CFAP299: variants seen among roughly 807,000 people sequenced by gnomAD.
CFAP299 encodes cilia and flagella associated protein 299, also known as cilia- and flagella-associated protein 299.
In CFAP299, 21 loss-of-function variants were observed where a neutral mutation model predicts 27.0. That is an observed-to-expected ratio of 0.78 (90% CI 0.55 to 1.12). The LOEUF is 1.12. CFAP299 is among the 50% of genes most tolerant of loss of function. The pLI is 0.00. For missense variants in CFAP299, 310 were observed against 276.6 expected (o/e 1.12, Z -0.86); for synonymous variants, 104 against 98.1 (o/e 1.06, Z -0.36).
At chr4:80,417,149 C>T (rs544343463) in intron 2 of CFAP299, among the ~76,000 whole-genome samples, 13 of 152,286 alleles carry the variant, frequency 8.5e-5, no homozygotes, top group African/African-American at 3.1e-4. Flanking sequence ...TGTAAGGTAA[C>T]TTCCTGATGT....
At chr4:80,895,055 T>A (rs922281560) in intron 4 of CFAP299, among the ~76,000 whole-genome samples, 1 of 151,922 alleles carries the variant, frequency 6.6e-6, no homozygotes, top group African/African-American at 2.4e-5. Context: ...GGACAAAGTT[T>A]CAGTTATGCA....
chr4:80,842,739 G>A (rs185027514), intron 3 of CFAP299, among the ~76,000 whole-genome samples: 1 of 152,156 alleles, frequency 6.6e-6, no homozygotes, highest in East Asian at 1.9e-4. Context: ...ACGTGATTAG[G>A]CTATGACACC....
chr4:80,440,809 T>C (rs958689883), intron 2 of CFAP299, among the ~76,000 whole-genome samples: 9 of 152,090 alleles, frequency 5.9e-5, no homozygotes, highest in East Asian at 1.9e-4. Context: ...CTAAGAACCT[T>C]GATAAAGGGT....
At chr4:80,810,428 AG>A (rs1408333352) in intron 3 of CFAP299, among the ~76,000 whole-genome samples, 1 of 151,950 alleles carries the variant, frequency 6.6e-6, no homozygotes, top group African/African-American at 2.4e-5. Flanking sequence ...ATTTGAAAAT[AG>A]GGTCTTTGCA....
Position 80,610,253 on chromosome 4 carries a change from T to C in CFAP299, c.333+27070T>C, listed in dbSNP as rs141875001. On this transcript the variant is annotated intron_variant, in intron 3 of 5. Transcript: ENST00000358105. ...ACAGAAATGAGAGTCTGCTCTCTGT[T>C]CTTAGAAGACAGCACACTGATTTCC... 9.0e-3 allele frequency among the ~76,000 whole-genome samples: 1,366 copies of C among 152,154 alleles called. 16 individuals carry two copies. Among genetic ancestry groups the C allele is most frequent in the South Asian group, 0.051 (244 of 4,820 alleles).
At chr4:80,715,426 T>A (rs1722421740) in intron 3 of CFAP299, among the ~76,000 whole-genome samples, 4 of 152,034 alleles carry the variant, frequency 2.6e-5, no homozygotes, top group Admixed American at 2.6e-4. Context: ...GATCAAGCAA[T>A]ACTTTCCACA....
intron 3 of CFAP299, among the ~76,000 whole-genome samples, chr4:80,788,922 C>G (rs1727396879): frequency 6.6e-6 from 1 of 151,968 alleles, no homozygotes; most frequent in Admixed American, 6.6e-5. Flanking sequence ...AATGAGTAAG[C>G]CTTTAAATTA....
intron 2 of CFAP299, among the ~76,000 whole-genome samples, chr4:80,375,419 A>G (rs964971288): frequency 2.0e-5 from 3 of 152,054 alleles, no homozygotes; most frequent in African/African-American, 7.2e-5. Context: ...TCTTTTAACA[A>G]CTGGACCATA....
chr4:80,771,980 C>T (rs1726244676), intron 3 of CFAP299, among the ~76,000 whole-genome samples: 1 of 152,168 alleles, frequency 6.6e-6, no homozygotes, highest in Non-Finnish European at 1.5e-5. Context: ...AAATGGACAT[C>T]AAAGGACCAC....
intron 4 of CFAP299, among the ~76,000 whole-genome samples, chr4:80,937,699 T>G (rs1736984550): frequency 6.6e-6 from 1 of 152,170 alleles, no homozygotes; most frequent in Admixed American, 6.6e-5. Context: ...ACTCTCTATT[T>G]TGACTGGAAA....
chr4:80,336,975 G>A (rs1722178925), intron 1 of CFAP299, among the ~76,000 whole-genome samples: 2 of 152,118 alleles, frequency 1.3e-5, no homozygotes, highest in African/African-American at 4.8e-5. Context: ...CTTAAATATG[G>A]ATTACAGGTT....
intron 2 of CFAP299, among the ~76,000 whole-genome samples, chr4:80,519,258 G>A (rs908287315): frequency 2.0e-5 from 3 of 152,120 alleles, no homozygotes; most frequent in Non-Finnish European, 4.4e-5. Flanking sequence ...CCAGGCTGGA[G>A]TGCAGTGGCA....
intron 5 of CFAP299, among the ~76,000 whole-genome samples, chr4:80,957,839 G>A (rs188008435): frequency 9.1e-4 from 139 of 152,040 alleles, no homozygotes; most frequent in Non-Finnish European, 6.3e-4. Context: ...TAATAATTTC[G>A]GGAAGGTTAT....
At chr4:80,550,785 G>GCACA (rs915246015) in intron 2 of CFAP299, among the ~76,000 whole-genome samples, 5 of 135,056 alleles carry the variant, frequency 3.7e-5, no homozygotes, top group African/African-American at 1.1e-4. Flanking sequence ...ACACACACAC[G>GCACA]CACACACACA....
chr4:80,493,587 G>A (rs553919979), intron 2 of CFAP299, among the ~76,000 whole-genome samples: 1 of 151,980 alleles, frequency 6.6e-6, no homozygotes, highest in Non-Finnish European at 1.5e-5. Context: ...TGCTTTATGA[G>A]GAAGTTAAGT....
At chr4:80,508,327 CA>C (rs1732131428) in intron 2 of CFAP299, among the ~76,000 whole-genome samples, 1 of 152,116 alleles carries the variant, frequency 6.6e-6, no homozygotes, top group African/African-American at 2.4e-5. Context: ...GTGGTGGAAA[CA>C]GATAGTTTTC....
intron 4 of CFAP299, among the ~76,000 whole-genome samples, chr4:80,906,016 C>A (rs140058884): frequency 6.6e-6 from 1 of 152,252 alleles, no homozygotes; most frequent in Non-Finnish European, 1.5e-5. Flanking sequence ...ATGTCCAAGT[C>A]CAAAGTCTCA....
At chr4:80,720,790 T>A (rs1722766435) in intron 3 of CFAP299, among the ~76,000 whole-genome samples, 1 of 152,038 alleles carries the variant, frequency 6.6e-6, no homozygotes, top group Non-Finnish European at 1.5e-5. Flanking sequence ...ATCAACCAAG[T>A]GAAACCAACA....
chr4:80,948,792 T>C (rs1363496159), intron 5 of CFAP299, among the ~76,000 whole-genome samples: 4 of 152,046 alleles, frequency 2.6e-5, no homozygotes, highest in Non-Finnish European at 5.9e-5. Context: ...ATTCATTGAA[T>C]TGATGATTGA....
Sources: gnomAD v4.1 joint callset for allele counts (sites outside exome capture counted in the v4.1 genomes callset) on GRCh38, gnomAD v4.1.1 for gene constraint, MANE v1.5 for transcripts, NCBI Gene and HGNC (gene_info 2026-07-23, HGNC 2026-07-21) for gene names.